Variants in SYT1 observed in about 807,000 individuals in gnomAD.
SYT1 encodes synaptotagmin 1, also known as synaptotagmin-1.
Under a neutral mutation model 44.8 loss-of-function variants are expected in SYT1, and 8 were observed. The observed-to-expected ratio is 0.18, with a 90% CI of 0.10 to 0.32. SYT1 has a LOEUF of 0.32. SYT1 is among the 10% of genes least tolerant of loss of function. The probability of loss-of-function intolerance (pLI) is 1.00; values close to 1 mark genes in which losing one functional copy is unlikely to be tolerated. For synonymous variants in SYT1, 154 were observed against 188.8 expected (o/e 0.82, Z 1.51); for missense variants, 286 against 509.3 (o/e 0.56, Z 4.22).
At chr12:79,098,223 T>C (rs2138036764) in intron 3 of SYT1, among the ~76,000 whole-genome samples, 1 of 152,190 alleles carries the variant, frequency 6.6e-6, no homozygotes, top group Non-Finnish European at 1.5e-5. Flanking sequence ...AAGTAAGTCT[T>C]TCTGACACTA....
intron 3 of SYT1, among the ~76,000 whole-genome samples, chr12:79,122,894 A>G (rs1868301870): frequency 6.6e-6 from 1 of 152,198 alleles, no homozygotes; most frequent in Non-Finnish European, 1.5e-5. Context: ...TTTTTTATAT[A>G]AATGATGACA....
intron 3 of SYT1, among the ~76,000 whole-genome samples, chr12:79,062,425 A>C (rs940802218): frequency 6.6e-6 from 1 of 152,170 alleles, no homozygotes; most frequent in Non-Finnish European, 1.5e-5. Flanking sequence ...CCCACTGTGC[A>C]TGAAGTTAGA....
intron 3 of SYT1, among the ~76,000 whole-genome samples, chr12:79,211,764 A>G (rs1463954839): frequency 1.3e-5 from 2 of 152,092 alleles, no homozygotes; most frequent in African/African-American, 2.4e-5. Context: ...TACAAAGGAC[A>G]TGAACTCATC....
At chr12:79,144,931 G>C (rs1407331250) in intron 3 of SYT1, among the ~76,000 whole-genome samples, 3 of 152,178 alleles carry the variant, frequency 2.0e-5, no homozygotes, top group Non-Finnish European at 2.9e-5. Context: ...CAGTAACGAA[G>C]AGTTTCAGAG....
intron 3 of SYT1, among the ~76,000 whole-genome samples, chr12:79,180,900 T>C (rs1202125235): frequency 1.3e-5 from 2 of 152,060 alleles, no homozygotes; most frequent in Non-Finnish European, 2.9e-5. Flanking sequence ...CAGTGGGAGA[T>C]AACTGAATCA....
intron 3 of SYT1, among the ~76,000 whole-genome samples, chr12:79,185,531 A>G (rs1045648016): frequency 2.0e-5 from 3 of 152,008 alleles, no homozygotes; most frequent in Non-Finnish European, 4.4e-5. Flanking sequence ...TGCAGAAGGA[A>G]TGGTCTGAGT....
chr12:79,131,076 A>G (rs1305747367), intron 3 of SYT1, among the ~76,000 whole-genome samples: 2 of 151,646 alleles, frequency 1.3e-5, no homozygotes, highest in Non-Finnish European at 2.9e-5. Flanking sequence ...TTTTTAATAA[A>G]GGAACTTCTG....
At chr12:79,071,210 A>AT (rs1876249430) in intron 3 of SYT1, among the ~76,000 whole-genome samples, 1 of 152,176 alleles carries the variant, frequency 6.6e-6, no homozygotes, top group African/African-American at 2.4e-5. Context: ...TCAGTATATT[A>AT]TTGGCTGGAA....
At chr12:79,035,567 T>C (rs1873077100) in intron 2 of SYT1, among the ~76,000 whole-genome samples, 1 of 151,658 alleles carries the variant, frequency 6.6e-6, no homozygotes, top group Admixed American at 6.6e-5. Flanking sequence ...GCATTCTCTT[T>C]CCCTCATGCC....
rs531539057 is a variant in SYT1 at position 79,116,380 on chromosome 12, A to G, written c.-18+69018A>G. Among the ~76,000 whole-genome samples the G allele has an allele frequency of 3.3e-5, 5 of 152,298 alleles. No individual in the cohort carries two copies. The East Asian group carries it at 7.7e-4, about 23-fold the overall frequency. On this transcript the variant is annotated intron_variant, in intron 3 of 10. Transcript: ENST00000261205. ...TTTTACACTGGCAGGGATGTACACA[A>G]TATTCAATGGAGGAAAAGATAGGTG...
intron 9 of SYT1, among the ~76,000 whole-genome samples, chr12:79,443,008 A>G (rs932017484): frequency 2.6e-5 from 4 of 152,202 alleles, no homozygotes; most frequent in Non-Finnish European, 5.9e-5. Context: ...TTTCCTTTCA[A>G]CCGTGAGCAT....
intron 2 of SYT1, among the ~76,000 whole-genome samples, chr12:79,008,974 G>C (rs1022666590): frequency 6.6e-6 from 1 of 152,128 alleles, no homozygotes; most frequent in Non-Finnish European, 1.5e-5. Flanking sequence ...AAAATTTATA[G>C]AAACTTTAGC....
chr12:79,262,286 C>A (rs1877872449), intron 4 of SYT1, among the ~76,000 whole-genome samples: 1 of 152,012 alleles, frequency 6.6e-6, no homozygotes. Flanking sequence ...TCAATATAAC[C>A]AGTATTTATC....
chr12:79,401,203 A>G (rs1885054920), intron 9 of SYT1, among the ~76,000 whole-genome samples: 2 of 152,184 alleles, frequency 1.3e-5, no homozygotes, highest in Non-Finnish European at 2.9e-5. Flanking sequence ...AATCAAGTCA[A>G]TTATCAGCTT....
chr12:79,159,899 T>C (rs1424079416), intron 3 of SYT1, among the ~76,000 whole-genome samples: 1 of 152,158 alleles, frequency 6.6e-6, no homozygotes, highest in African/African-American at 2.4e-5. Context: ...CTATGAAATA[T>C]TGTATAATAA....
chr12:79,171,268 C>T (rs1228893982), intron 3 of SYT1, among the ~76,000 whole-genome samples: 12 of 152,020 alleles, frequency 7.9e-5, no homozygotes, highest in South Asian at 4.1e-4. Context: ...ATTGAATCTA[C>T]GAATTACTTT....
intron 3 of SYT1, among the ~76,000 whole-genome samples, chr12:79,097,704 T>C (rs1006801053): frequency 6.6e-6 from 1 of 151,988 alleles, no homozygotes; most frequent in African/African-American, 2.4e-5. Context: ...CTCTGGAAAA[T>C]GACCTATTTG....
intron 3 of SYT1, among the ~76,000 whole-genome samples, chr12:79,180,943 T>G (rs1253938552): frequency 6.6e-6 from 1 of 152,082 alleles, no homozygotes; most frequent in Non-Finnish European, 1.5e-5. Flanking sequence ...GTCCTCATGA[T>G]AGCGAGTGAG....
chr12:79,255,303 G>C (rs1877452591), intron 4 of SYT1, among the ~76,000 whole-genome samples: 1 of 152,180 alleles, frequency 6.6e-6, no homozygotes, highest in African/African-American at 2.4e-5. Flanking sequence ...CTTGCTGAAG[G>C]CTCAGATGAT....
Sources: allele counts gnomAD v4.1 joint callset (sites outside exome capture counted in the v4.1 genomes callset), GRCh38; gene constraint gnomAD v4.1.1; transcripts MANE v1.5; gene names NCBI Gene and HGNC (gene_info 2026-07-23, HGNC 2026-07-21).